The following TDRD3 variants were observed in gnomAD, a reference collection of about 807,000 sequenced individuals.
TDRD3 encodes the protein tudor domain-containing protein 3.
In TDRD3, 45 loss-of-function variants were observed where a neutral mutation model predicts 86.7. The observed-to-expected ratio is 0.52, with a 90% CI of 0.41 to 0.67. TDRD3 has a LOEUF of 0.67. Ranked by LOEUF, TDRD3 falls within the 30% of genes least tolerant of loss-of-function variation. TDRD3 has a pLI of 0.00. For missense variants in TDRD3, 814 were observed against 889.0 expected, an observed-to-expected ratio of 0.92 and a Z score of 1.07; for synonymous variants, 298 against 301.7, an observed-to-expected ratio of 0.99 and a Z score of 0.13.
chr13:60,537,709 A>G (rs978270890), intron 12 of TDRD3: 3 of 152,092 alleles, frequency 2.0e-5, no homozygotes, highest in Admixed American at 2.0e-4. Context: ...TAGCACAATT[A>G]CACTATGGAT....
At chr13:60,505,201 C>T (rs568128389) in intron 8 of TDRD3, among the ~76,000 whole-genome samples, 2 of 152,268 alleles carry the variant, frequency 1.3e-5, no homozygotes, top group Admixed American at 6.5e-5. Context: ...TTGAAATTCT[C>T]GCTGCCAGCA....
At chr13:60,486,653 C>T (rs1263485918) in intron 7 of TDRD3, among the ~76,000 whole-genome samples, 2 of 152,240 alleles carry the variant, frequency 1.3e-5, no homozygotes, top group East Asian at 1.9e-4. Context: ...TTGAAATATA[C>T]AATAAATTAT....
At chr13:60,572,821 T>A (rs1038454093) in intron 13 of TDRD3, among the ~76,000 whole-genome samples, 2 of 52,636 alleles carry the variant, frequency 3.8e-5, no homozygotes, top group African/African-American at 1.0e-4. Context: ...AATGTTGAAA[T>A]TTTTTTTGAC....
At chr13:60,444,001 T>C (rs1038209306) in intron 2 of TDRD3, among the ~76,000 whole-genome samples, 2 of 151,946 alleles carry the variant, frequency 1.3e-5, no homozygotes, top group African/African-American at 4.8e-5. Flanking sequence ...TTATGTAGAT[T>C]GTGTAGTCAG....
At chr13:60,448,591 T>G (rs1955461525) in intron 3 of TDRD3, among the ~76,000 whole-genome samples, 1 of 152,120 alleles carries the variant, frequency 6.6e-6, no homozygotes, top group South Asian at 2.1e-4. Flanking sequence ...CCAGATTTTC[T>G]TATAGGCACT....
At chr13:60,525,746 GAT>G (rs1957414967) in intron 10 of TDRD3, among the ~76,000 whole-genome samples, 1 of 152,068 alleles carries the variant, frequency 6.6e-6, no homozygotes, top group Admixed American at 6.5e-5. Context: ...TCTTTTCTAA[GAT>G]AGTACTTTTG....
intron 1 of TDRD3, among the ~76,000 whole-genome samples, chr13:60,415,755 A>G (rs1425727787): frequency 6.6e-6 from 1 of 152,152 alleles, no homozygotes; most frequent in African/African-American, 2.4e-5. Context: ...CCAGAGATTT[A>G]TTGAGTTTTA....
At position 60,528,871 on chromosome 13, in the gene TDRD3, G is replaced by A. The variant is rs1566276558; in HGVS notation, c.1646G>A (p.Arg549Lys). ...TCTATTCCTGATTATTTTTATGACA[G>A]GAAATCACAAACAATAAATAATGAA... ...QTSIPDYFYD[R>K]KSQTINNEAF... The change falls in exon 11 of 14, where the codon AGG becomes AAG. Residue 549 changes from arginine (R) to lysine (K), a missense_variant. Coordinates refer to ENST00000377881, the MANE Select transcript of TDRD3 (RefSeq NM_001146070.2). 6.2e-7 allele frequency: 1 copy of A among 1,612,234 alleles called. No homozygotes were observed. Among genetic ancestry groups the A allele is most frequent in the South Asian group, 1.1e-5 (1 of 90,442 alleles).
chr13:60,428,820 G>A (rs558232969), intron 1 of TDRD3, among the ~76,000 whole-genome samples: 1 of 152,212 alleles, frequency 6.6e-6, no homozygotes, highest in South Asian at 2.1e-4. Context: ...AAGGACCAGT[G>A]GTAATTTTCT....
At chr13:60,435,918 G>GTTTTTT (rs767705603) in intron 1 of TDRD3, among the ~76,000 whole-genome samples, 5 of 124,772 alleles carry the variant, frequency 4.0e-5, no homozygotes, top group Non-Finnish European at 3.6e-5. Context: ...AACATCTATG[G>GTTTTTT]TTTTTTTTTT....
chr13:60,567,695 A>C, intron 13 of TDRD3, 45 bp downstream of exon 13: 1 of 1,600,428 alleles, frequency 6.2e-7, no homozygotes, highest in South Asian at 1.1e-5. Context: ...AGAAAGATGA[A>C]ATTCATGTTA....
intron 5 of TDRD3, among the ~76,000 whole-genome samples, chr13:60,467,635 C>A (rs1486216699): frequency 1.3e-5 from 2 of 152,010 alleles, no homozygotes; most frequent in African/African-American, 4.8e-5. Context: ...GTCAAGATAC[C>A]AGTTATAAGC....
chr13:60,425,134 A>G (rs550783436), intron 1 of TDRD3, among the ~76,000 whole-genome samples: 1 of 152,364 alleles, frequency 6.6e-6, no homozygotes, highest in Non-Finnish European at 1.5e-5. Context: ...AAAATAAGAA[A>G]TAACAAAGAG....
intron 8 of TDRD3, among the ~76,000 whole-genome samples, chr13:60,494,984 A>G (rs1036640448): frequency 2.6e-5 from 4 of 152,190 alleles, no homozygotes; most frequent in Admixed American, 6.5e-5. Context: ...TGTGGACCCA[A>G]TTGCAAAATA....
intron 4 of TDRD3, among the ~76,000 whole-genome samples, chr13:60,466,981 TG>T (rs1305631349): frequency 6.6e-6 from 1 of 151,832 alleles, no homozygotes. Context: ...TGTGTTTTTT[TG>T]TTTTTTTGTT....
chr13:60,563,949 G>T (rs1387851948), intron 12 of TDRD3, among the ~76,000 whole-genome samples: 1 of 152,196 alleles, frequency 6.6e-6, no homozygotes, highest in East Asian at 1.9e-4. Flanking sequence ...CATTATAGAT[G>T]AAGTTGTGTA....
chr13:60,568,503 T>C (rs1958515103), intron 13 of TDRD3, among the ~76,000 whole-genome samples: 1 of 152,244 alleles, frequency 6.6e-6, no homozygotes. Flanking sequence ...CTTTGTGTTG[T>C]ATAAGACAGA....
At chr13:60,438,732 T>TC (rs1955179945) in intron 1 of TDRD3, among the ~76,000 whole-genome samples, 10 of 151,870 alleles carry the variant, frequency 6.6e-5, no homozygotes, top group Admixed American at 2.6e-4. Context: ...CAGTCTAGTG[T>TC]TGAGAGTTGA....
chr13:60,561,575 G>A (rs17058218), intron 12 of TDRD3, among the ~76,000 whole-genome samples: 2,865 of 152,262 alleles, frequency 0.019, 87 homozygotes, highest in African/African-American at 0.065. Context: ...TGAAACAAGA[G>A]TGCTGAATTT....
Sources: allele counts gnomAD v4.1 joint callset (sites outside exome capture counted in the v4.1 genomes callset), GRCh38; gene constraint gnomAD v4.1.1; transcripts MANE v1.5; gene names NCBI Gene and HGNC (gene_info 2026-07-23, HGNC 2026-07-21).